The following LIFR variants were observed in gnomAD, a reference collection of about 807,000 sequenced individuals.
LIFR encodes leukemia inhibitory factor receptor.
LIFR carries 84 observed loss-of-function variants against 122.2 expected under a neutral mutation model. The ratio of observed to expected loss-of-function variants is 0.69; its 90% confidence interval spans 0.58 to 0.82. The LOEUF is 0.82. Among genes scored for constraint, LIFR ranks in the 40% least tolerant of loss-of-function variants. The pLI is 0.00. For missense variants in LIFR, 1,294 were observed against 1,311.6 expected (o/e 0.99, Z 0.21); for synonymous variants, 422 against 434.7 (o/e 0.97, Z 0.36).
At chr5:38,543,974 A>C (rs1747731873) in intron 1 of LIFR, among the ~76,000 whole-genome samples, 1 of 151,932 alleles carries the variant, frequency 6.6e-6, no homozygotes, top group Non-Finnish European at 1.5e-5. Context: ...ACCCTCTCAA[A>C]ATATAGCTAA....
At chr5:38,545,096 C>A (rs529585407) in intron 1 of LIFR, among the ~76,000 whole-genome samples, 4 of 152,164 alleles carry the variant, frequency 2.6e-5, no homozygotes, top group Admixed American at 1.3e-4. Context: ...ATGGTGAAAT[C>A]CCATCTCTAC....
In LIFR at chr5:38,475,215, C is replaced by G. The variant is rs963712767; in HGVS notation, c.*6380G>C. The G allele has an allele frequency of 1.4e-4, 27 of 188,042 alleles. No individual in the cohort carries two copies. The highest frequency in any genetic ancestry group is 2.6e-4 in the Non-Finnish European group (23 of 89,392). The allele number at this position is 188,042 out of a possible 1,614,324, so 11.6% of individuals were successfully genotyped here. A position where few individuals can be genotyped will look rare whatever the true frequency, so the allele number is the denominator to read the frequency against. On this transcript the variant is annotated 3_prime_UTR_variant, in exon 20 of 20. Coordinates refer to ENST00000453190, the MANE Select transcript of LIFR (RefSeq NM_001127671.2). ...AAAGTGTCCAAATTTCCCATTCTAACAGCAATTTAAAATCCAAATTTTCAC... is the reference window on the plus strand; with the variant it reads ...AAAGTGTCCAAATTTCCCATTCTAAGAGCAATTTAAAATCCAAATTTTCAC...
intron 18 of LIFR, 46 bp from the exon 19 acceptor site, chr5:38,482,713 AT>A: frequency 2.6e-6 from 2 of 783,980 alleles, no homozygotes; most frequent in Non-Finnish European, 4.1e-6. Context: ...TTTTAAGATT[AT>A]TAGATAATAA....
chr5:38,493,467 A>G (rs1744706311), intron 14 of LIFR, 139 bp downstream of exon 14: 2 of 764,316 alleles, frequency 2.6e-6, no homozygotes, highest in Admixed American at 3.9e-5. Context: ...ATGTGCTGCC[A>G]CAACTACCCT....
intron 4 of LIFR, among the ~76,000 whole-genome samples, chr5:38,524,204 G>A (rs1408649521): frequency 1.3e-5 from 2 of 152,148 alleles, no homozygotes; most frequent in Non-Finnish European, 2.9e-5. Context: ...CTCTCGTGCT[G>A]GGGGATGTCA....
chr5:38,606,137 G>A (rs1750323722), intron 2 of LIFR: 1 of 152,182 alleles, frequency 6.6e-6, no homozygotes, highest in African/African-American at 2.4e-5. Flanking sequence ...GTGTGAGGCC[G>A]TTCTTGCATT....
chr5:38,516,540 T>C (rs1247402643), intron 5 of LIFR, among the ~76,000 whole-genome samples: 1 of 152,098 alleles, frequency 6.6e-6, no homozygotes, highest in Non-Finnish European at 1.5e-5. Flanking sequence ...TGGCGATCAT[T>C]AAAAAGACAG....
intron 4 of LIFR, among the ~76,000 whole-genome samples, chr5:38,524,195 T>G (rs1430289559): frequency 6.6e-6 from 1 of 152,204 alleles, no homozygotes; most frequent in East Asian, 1.9e-4. Context: ...GTCAAGAGTC[T>G]CTCGTGCTGG....
intron 5 of LIFR, among the ~76,000 whole-genome samples, chr5:38,518,900 G>A (rs1014042244): frequency 4.6e-5 from 7 of 152,126 alleles, no homozygotes; most frequent in African/African-American, 1.4e-4. Flanking sequence ...TGATGATCCT[G>A]GCCCTGCGTA....
chr5:38,573,540 A>T (rs1749283988), intron 1 of LIFR, among the ~76,000 whole-genome samples: 1 of 152,204 alleles, frequency 6.6e-6, no homozygotes, highest in Non-Finnish European at 1.5e-5. Flanking sequence ...TATCAGAGCA[A>T]ATGAAATTAA....
At chr5:38,598,979 T>C (rs2112779189), upstream of LIFR, among the ~76,000 whole-genome samples, 1 of 152,336 alleles carries the variant, frequency 6.6e-6, no homozygotes, top group South Asian at 2.1e-4. Flanking sequence ...CCTTATCTTG[T>C]AGAAAAGTGC....
At chr5:38,549,786 G>T (rs1055644076) in intron 1 of LIFR, among the ~76,000 whole-genome samples, 5 of 152,076 alleles carry the variant, frequency 3.3e-5, no homozygotes, top group Non-Finnish European at 5.9e-5. Context: ...GCGAGACTCC[G>T]TTTCCACACA....
intron 18 of LIFR, among the ~76,000 whole-genome samples, chr5:38,484,350 G>A (rs1028950918): frequency 7.2e-5 from 11 of 152,102 alleles, no homozygotes; most frequent in Non-Finnish European, 1.5e-4. Flanking sequence ...ACCACGATAT[G>A]ATATCCCCCT....
intron 1 of LIFR, among the ~76,000 whole-genome samples, chr5:38,563,337 G>A (rs571067751): frequency 5.3e-4 from 81 of 152,206 alleles, no homozygotes; most frequent in Middle Eastern, 3.4e-3. Flanking sequence ...ACCTTACTGG[G>A]TTTTTTCTTA....
At chr5:38,599,731 G>A (rs1419863215), upstream of LIFR, among the ~76,000 whole-genome samples, 1 of 151,926 alleles carries the variant, frequency 6.6e-6, no homozygotes, top group Non-Finnish European at 1.5e-5. Context: ...TTTTAAAGAT[G>A]CTTAAGAATT....
intron 5 of LIFR, among the ~76,000 whole-genome samples, chr5:38,518,181 T>C (rs551753778): frequency 6.6e-6 from 1 of 152,040 alleles, no homozygotes; most frequent in Admixed American, 6.5e-5. Flanking sequence ...AAATGCAGGT[T>C]CGAGTAGGAT....
chr5:38,598,223 T>C (rs1414076168), upstream of LIFR, among the ~76,000 whole-genome samples: 2 of 67,068 alleles, frequency 3.0e-5, no homozygotes, highest in Admixed American at 1.3e-4. Flanking sequence ...TTTTTTTTTT[T>C]TTTTTTTTTA....
chr5:38,527,272 C>T lies in LIFR; in HGVS notation c.280G>A (p.Glu94Lys), dbSNP rs990689304. 6.3e-6 allele frequency: 10 copies of T among 1,589,868 alleles called. No homozygotes were observed. Among genetic ancestry groups the T allele is most frequent in the Non-Finnish European group, 8.6e-6 (10 of 1,159,010 alleles). Reference sequence around the variant, plus strand: ...GCTGGAATTTTAATACTGGTTTTCTCCAACTGATAACAAGAACGGGACCTG... The same window carrying T: ...GCTGGAATTTTAATACTGGTTTTCTTCAACTGATAACAAGAACGGGACCTG... ...ENRSRSCYQLEKTSIKIPALS... is the reference protein window; with the variant it reads ...ENRSRSCYQLKKTSIKIPALS... The change falls in exon 4 of 20, where the codon GAG (glutamate) becomes AAG (lysine). Residue 94 changes from glutamate to lysine, a missense_variant. Coordinates refer to ENST00000453190, the MANE Select transcript of LIFR (RefSeq NM_001127671.2).
Position 38,504,132 on chromosome 5 carries a change from A to G in LIFR, c.1292-11T>C, listed in dbSNP as rs766700086. 24 of 1,490,462 alleles carry G rather than the reference A, an allele frequency of 1.6e-5. No homozygotes were observed. In the South Asian group the frequency reaches 2.5e-4, roughly 16 times the overall value. The allele number at this position is 1,490,462 out of a possible 1,614,324, so 92.3% of individuals were successfully genotyped here. ...GAGTATGGGGATAAACTGCAAATATAATTTTTAAAGATTAAACACTTATTT... is the reference window on the plus strand; with the variant it reads ...GAGTATGGGGATAAACTGCAAATATGATTTTTAAAGATTAAACACTTATTT... On this transcript the variant is annotated splice_polypyrimidine_tract_variant and intron_variant, in intron 9 of 19. Transcript: ENST00000453190.
Sources: allele counts gnomAD v4.1 joint callset (sites outside exome capture counted in the v4.1 genomes callset), GRCh38; gene constraint gnomAD v4.1.1; transcripts MANE v1.5; gene names NCBI Gene and HGNC (gene_info 2026-07-23, HGNC 2026-07-21).